The following NOL4L variants were observed in gnomAD, a reference collection of about 807,000 sequenced individuals.
The protein encoded by NOL4L is nucleolar protein 4-like.
A neutral mutation model predicts 64.5 loss-of-function variants in NOL4L; 7 were observed. The ratio of observed to expected loss-of-function variants is 0.11; its 90% CI spans 0.06 to 0.20. The LOEUF is 0.20. Ranked by LOEUF, NOL4L falls within the 10% of genes least tolerant of loss-of-function variation. NOL4L has a pLI of 1.00. For missense variants in NOL4L, 680 were observed against 967.1 expected, an observed-to-expected ratio of 0.70 and a Z score of 3.94; for synonymous variants, 413 against 401.0, an observed-to-expected ratio of 1.03 and a Z score of -0.36.
rs575129400 is a variant in NOL4L at position 32,557,302 on chromosome 20, T to C, written c.321+27268A>G. On this transcript the variant is annotated intron_variant, in intron 1 of 10. Coordinates refer to ENST00000621426, the MANE Select transcript of NOL4L (RefSeq NM_001256798.2). ...TTTGAGTCCCAGCACCAAGCCTCCT[T>C]ATCACTTGCATTGTGATGGTGCTGC... Among the ~76,000 whole-genome samples the C allele has an allele frequency of 2.0e-5, 3 of 152,382 alleles. No homozygotes were observed. The South Asian group carries it at 6.2e-4, about 32-fold the overall frequency.
At chr20:32,508,423 C>T (rs911038283) in intron 4 of NOL4L, among the ~76,000 whole-genome samples, 1 of 152,194 alleles carries the variant, frequency 6.6e-6, no homozygotes, top group Non-Finnish European at 1.5e-5. Flanking sequence ...GCGCCACGTG[C>T]CCAGCCATAA....
At chr20:32,477,501 C>A (rs544678931) in intron 4 of NOL4L, among the ~76,000 whole-genome samples, 1 of 152,262 alleles carries the variant, frequency 6.6e-6, no homozygotes, top group Non-Finnish European at 1.5e-5. Context: ...GGAAAACCTT[C>A]GGTCCTTCCA....
intron 4 of NOL4L, among the ~76,000 whole-genome samples, chr20:32,494,273 A>C (rs1313376240): frequency 1.4e-5 from 2 of 143,226 alleles, no homozygotes; most frequent in Non-Finnish European, 3.0e-5. Flanking sequence ...AAAAAAAAAA[A>C]AAAAAAAAAC....
intron 6 of NOL4L, among the ~76,000 whole-genome samples, chr20:32,455,343 C>T (rs1337440777): frequency 6.6e-6 from 1 of 152,258 alleles, no homozygotes; most frequent in African/African-American, 2.4e-5. Flanking sequence ...CACATAGCAA[C>T]AACTCAGCAC....
rs562725021 is a variant in NOL4L at position 32,454,619 on chromosome 20, C to T, written c.1120-858G>A. Among the ~76,000 whole-genome samples, 5 of 152,362 alleles carry T rather than the reference C, an allele frequency of 3.3e-5. No homozygotes were observed. The East Asian group carries it at 5.8e-4, about 18-fold the overall frequency. ...CACCACCTGTCTCCTGCCCCTGCCT[C>T]GGGGCACCGCTCTGGGACGGCTGAG... On this transcript the variant is annotated intron_variant, in intron 6 of 10. Coordinates refer to ENST00000621426, the MANE Select transcript of NOL4L (RefSeq NM_001256798.2).
chr20:32,584,081 T>A (rs1174101185), intron 1 of NOL4L, among the ~76,000 whole-genome samples: 1 of 120,016 alleles, frequency 8.3e-6, no homozygotes, highest in East Asian at 3.6e-4. Context: ...GTCCCGCGGC[T>A]GCCCCTGCCT....
intron 5 of NOL4L, among the ~76,000 whole-genome samples, chr20:32,467,298 G>A (rs1335506055): frequency 6.6e-6 from 1 of 152,048 alleles, no homozygotes; most frequent in East Asian, 1.9e-4. Context: ...AGATTGAGAA[G>A]CAGGGTCTTG....
rs894350104 is a variant in NOL4L, at chr20:32,453,759, G to C, written c.1122C>G (p.Ser374=). ...VKYGVKTTPE[S]PPYSSGSYDS... ...CGTAGCTCCCAGAGCTGTAGGGGGG[G>C]GACTAAAAGGAGGGCAAGAGGCAGA... Residue 374 remains serine (S), a splice_region_variant and synonymous_variant, in exon 7 of 11, where the codon TCC becomes TCG. Transcript: ENST00000621426. This position sits in a 1 kb window ranked among gnomAD's most constrained non-coding sequence, Gnocchi z 5.6. 9 of 1,552,406 alleles carry C rather than the reference G, an allele frequency of 5.8e-6. No individual in the cohort carries two copies. The highest frequency in any genetic ancestry group is 1.7e-6 in the Non-Finnish European group (2 of 1,147,380).
intron 4 of NOL4L, chr20:32,483,303 G>A (rs2015865118): frequency 2.1e-6 from 2 of 942,292 alleles, no homozygotes; most frequent in Non-Finnish European, 1.3e-6. Flanking sequence ...GGAGAAGGGG[G>A]GCGGCGGCCC....
At chr20:32,498,336 C>A (rs1367091495) in intron 4 of NOL4L, among the ~76,000 whole-genome samples, 3 of 151,250 alleles carry the variant, frequency 2.0e-5, no homozygotes, top group Non-Finnish European at 1.5e-5. Context: ...CCAGGATGTT[C>A]AAGAACATAT....
At chr20:32,537,993 G>C (rs1325464649) in intron 1 of NOL4L, among the ~76,000 whole-genome samples, 1 of 152,162 alleles carries the variant, frequency 6.6e-6, no homozygotes, top group Non-Finnish European at 1.5e-5. Flanking sequence ...TGGCCAGGCT[G>C]GTCTCGAACT....
Position 32,456,165 on chromosome 20 carries a change from C to T in NOL4L, c.1072G>A (p.Asp358Asn), listed in dbSNP as rs751748242. The T allele has an allele frequency of 1.6e-5, 25 of 1,579,038 alleles. No individual in the cohort carries two copies. In the South Asian group the frequency reaches 1.8e-4, roughly 12 times the overall value. Residue 358 changes from aspartate to asparagine, a missense_variant, in exon 6 of 11, where the codon GAC becomes AAC. Asp to Asn is a conservative substitution (Grantham distance 23). Coordinates refer to ENST00000621426, the MANE Select transcript of NOL4L (RefSeq NM_001256798.2). ...TATTTGACGCGGCTCCGCAGCCCGT[C>T]GGCACCGCAGCCATCCGAGGGGTAG... ...ASYPSDGCGA[D>N]GLRSRVKYGV... is the part of the protein sequence containing the mutation.
intron 1 of NOL4L, among the ~76,000 whole-genome samples, chr20:32,539,541 A>G (rs1033939947): frequency 6.6e-6 from 1 of 152,094 alleles, no homozygotes; most frequent in Non-Finnish European, 1.5e-5. Flanking sequence ...AGGCCTTCCC[A>G]TGGTGCAGCC....
intron 1 of NOL4L, among the ~76,000 whole-genome samples, chr20:32,550,312 T>C (rs982939893): frequency 1.3e-5 from 2 of 152,232 alleles, no homozygotes; most frequent in Admixed American, 6.5e-5. Flanking sequence ...AATGGTGCGA[T>C]CTCAGCTCAC....
intron 4 of NOL4L, among the ~76,000 whole-genome samples, chr20:32,488,790 C>CTTTCTTTCTTTCCTT: frequency 2.5e-5 from 1 of 39,754 alleles, no homozygotes; most frequent in South Asian, 7.4e-4. Context: ...TTCCTTCCTT[C>CTTTCTTTCTTTCCTT]CTTTCTTTCT....
intron 1 of NOL4L, among the ~76,000 whole-genome samples, chr20:32,554,641 C>G (rs983425122): frequency 6.6e-6 from 1 of 152,242 alleles, no homozygotes; most frequent in African/African-American, 2.4e-5. Flanking sequence ...GGGAAACCCC[C>G]CAGGAAATCC....
intron 4 of NOL4L, among the ~76,000 whole-genome samples, chr20:32,484,244 C>G (rs1218137481): frequency 6.6e-6 from 1 of 152,034 alleles, no homozygotes; most frequent in Non-Finnish European, 1.5e-5. Flanking sequence ...GGGTTCGGCT[C>G]CCCCGGGCGG....
chr20:32,538,445 TCCTCCCTCCCTCCCTCGCTCCCTC>T (rs1292069013), intron 1 of NOL4L, among the ~76,000 whole-genome samples: 3 of 145,776 alleles, frequency 2.1e-5, no homozygotes, highest in African/African-American at 5.2e-5. Context: ...GGCCATGACC[TCCTCCCTCCCTCCCTCGCTCCCTC>T]CCTCCCTCCC....
intron 1 of NOL4L, among the ~76,000 whole-genome samples, chr20:32,578,911 T>C (rs529949812): frequency 2.0e-5 from 3 of 152,024 alleles, no homozygotes. Flanking sequence ...AAGAGGCGGG[T>C]AGGGGGTGGC....
Sources: allele counts gnomAD v4.1 joint callset (sites outside exome capture counted in the v4.1 genomes callset), GRCh38; gene constraint gnomAD v4.1.1; non-coding constraint Gnocchi (gnomAD v3.1); transcripts MANE v1.5; gene names NCBI Gene and HGNC (gene_info 2026-07-23, HGNC 2026-07-21).